LIPI: variants seen among roughly 807,000 people sequenced by gnomAD.
The protein encoded by LIPI is lipase I.
A neutral mutation model predicts 50.6 loss-of-function variants in LIPI; 59 were observed. The observed-to-expected ratio is 1.16, with a 90% CI of 0.94 to 1.45. The LOEUF (loss-of-function observed/expected upper bound fraction) is 1.45. LIPI is among the 40% of genes most tolerant of loss of function. The pLI, the probability that LIPI is intolerant of heterozygous loss-of-function variation, is 0.00. For synonymous variants in LIPI, 203 were observed against 178.2 expected, an observed-to-expected ratio of 1.14 and a Z score of -1.11; for missense variants, 586 against 536.3, an observed-to-expected ratio of 1.09 and a Z score of -0.92.
At chr21:14,117,816 C>A (rs1600827401) in intron 9 of LIPI, among the ~76,000 whole-genome samples, 1 of 151,958 alleles carries the variant, frequency 6.6e-6, no homozygotes, top group Admixed American at 6.6e-5. Flanking sequence ...AGGTGGCAAC[C>A]AAAGTGTTTG....
chr21:14,137,654 G>C (rs768253296), intron 9 of LIPI, among the ~76,000 whole-genome samples: 1 of 152,150 alleles, frequency 6.6e-6, no homozygotes, highest in South Asian at 2.1e-4. Flanking sequence ...GAAAGAGATA[G>C]GGGTAGAAAG....
chr21:14,117,769 G>A (rs1033086105), intron 9 of LIPI, among the ~76,000 whole-genome samples: 1 of 152,172 alleles, frequency 6.6e-6, no homozygotes, highest in African/African-American at 2.4e-5. Flanking sequence ...GCAGAGGCTG[G>A]AGGGGTTTGA....
At chr21:14,130,036 G>T (rs1258408484) in intron 9 of LIPI, among the ~76,000 whole-genome samples, 1 of 152,128 alleles carries the variant, frequency 6.6e-6, no homozygotes, top group African/African-American at 2.4e-5. Flanking sequence ...GAGTGACAGT[G>T]GAGGAAACAT....
rs149723484 is a variant in LIPI, at chr21:14,189,493, A to C, written c.47-74T>G. The C allele has an allele frequency of 2.4e-4, 330 of 1,361,100 alleles. 1 individual carries two copies. The African/African-American group carries it at 4.3e-3, about 18-fold the overall frequency. The allele number at this position is 1,361,100 out of a possible 1,614,324, so 84.3% of individuals were successfully genotyped here. A position where few individuals can be genotyped will look rare whatever the true frequency, so the allele number is the denominator to read the frequency against. On this transcript the variant is annotated intron_variant, in intron 1 of 9. Coordinates refer to ENST00000681601, the MANE Select transcript of LIPI (RefSeq NM_001302998.2). ...TTCCTGTTGCTATTGCAAAGAACAG[A>C]ATTAAATGTGGAGGGTAGGGAGGAT...
At chr21:14,115,978 G>T (rs2016616788) in intron 9 of LIPI, among the ~76,000 whole-genome samples, 1 of 151,360 alleles carries the variant, frequency 6.6e-6, no homozygotes, top group South Asian at 2.1e-4. Context: ...TGCTGGCAGG[G>T]TGACAAGAGT....
intron 7 of LIPI, among the ~76,000 whole-genome samples, chr21:14,161,442 ATT>A (rs934133800): frequency 2.8e-5 from 4 of 140,458 alleles, no homozygotes; most frequent in Non-Finnish European, 6.1e-5. Context: ...ATCAATATAT[ATT>A]ATATATAGAT....
intron 4 of LIPI, among the ~76,000 whole-genome samples, chr21:14,167,453 G>T (rs1457041984): frequency 1.3e-5 from 2 of 152,146 alleles, no homozygotes; most frequent in Admixed American, 1.3e-4. Context: ...AGACTAACTG[G>T]GAGGCACCCC....
chr21:14,201,863 G>A lies in LIPI; in HGVS notation c.46+8937C>T, dbSNP rs182173244. 4.9e-3 allele frequency among the ~76,000 whole-genome samples: 752 copies of A among 152,248 alleles called. 6 individuals carry two copies. The highest frequency in any genetic ancestry group is 5.6e-3 in the Non-Finnish European group (381 of 68,018). On this transcript the variant is annotated intron_variant, in intron 1 of 9. Coordinates refer to ENST00000681601, the MANE Select transcript of LIPI (RefSeq NM_001302998.2). ...CAATCAGGCTGGAGAAGGAAATACA[G>A]GGTATTCAATTAGGAAAAGAGGAAG...
At chr21:14,124,657 C>A (rs555043043) in intron 9 of LIPI, among the ~76,000 whole-genome samples, 1 of 152,196 alleles carries the variant, frequency 6.6e-6, no homozygotes, top group Non-Finnish European at 1.5e-5. Flanking sequence ...TCAAGTAGCT[C>A]CCGGACACTG....
chr21:14,197,381 G>T (rs918457591), intron 1 of LIPI, among the ~76,000 whole-genome samples: 3 of 152,178 alleles, frequency 2.0e-5, no homozygotes, highest in African/African-American at 7.2e-5. Flanking sequence ...ATGATAAAAT[G>T]TTGCAGGTGC....
In LIPI at chr21:14,169,173, T is replaced by C. The variant is rs1208648045; in HGVS notation, c.644-2722A>G. On this transcript the variant is annotated intron_variant, in intron 4 of 9. Coordinates refer to ENST00000681601, the MANE Select transcript of LIPI (RefSeq NM_001302998.2). Reference sequence around the variant, plus strand: ...AACAAGAAGAGCTAACTATCCTAAATGTATATGCACCCAATACAGGAGCAT... The same window carrying C: ...AACAAGAAGAGCTAACTATCCTAAACGTATATGCACCCAATACAGGAGCAT... Among the ~76,000 whole-genome samples, 11 of 152,312 alleles carry C rather than the reference T, an allele frequency of 7.2e-5. No individual in the cohort carries two copies. The East Asian group carries it at 1.7e-3, about 24-fold the overall frequency.
intron 9 of LIPI, among the ~76,000 whole-genome samples, chr21:14,127,154 A>G (rs1026710955): frequency 3.9e-5 from 6 of 152,308 alleles, no homozygotes; most frequent in East Asian, 1.9e-4. Flanking sequence ...ACAGTCTGTT[A>G]CAAAAAGATA....
intron 5 of LIPI, 116 bp downstream of exon 5, chr21:14,166,246 A>C (rs1211443255): frequency 1.4e-6 from 1 of 738,486 alleles, no homozygotes; most frequent in South Asian, 1.4e-5. Context: ...CTCCTGAGTC[A>C]TGGGCAATGA....
At chr21:14,131,703 T>G (rs1600843998) in intron 9 of LIPI, among the ~76,000 whole-genome samples, 1 of 151,934 alleles carries the variant, frequency 6.6e-6, no homozygotes, top group Non-Finnish European at 1.5e-5. Context: ...ACTCAAGCAA[T>G]AGATCCCAAC....
In LIPI at chr21:14,185,989, TA is replaced by T. The variant is rs2019440778; in HGVS notation, c.512del (p.Ile171AsnfsTer9). 6.3e-7 allele frequency: 1 copy of T among 1,589,406 alleles called. No homozygotes were observed. The highest frequency in any genetic ancestry group is 1.1e-5 in the South Asian group (1 of 90,436). On this transcript the variant is annotated frameshift_variant, in exon 3 of 10. Coordinates refer to ENST00000681601, the MANE Select transcript of LIPI (RefSeq NM_001302998.2). LOFTEE classifies it high-confidence loss of function. ...TTATTCTTCCAAGTTGACCATGAAA[TA>T]TCTTTCCAACAAATCCACTGATATG... ...GAHISGFVGK[I>X]FHGQLGRITG... is the part of the protein sequence containing the mutation.
intron 9 of LIPI, among the ~76,000 whole-genome samples, chr21:14,114,653 CAGGATA>C (rs1198405713): frequency 1.3e-5 from 2 of 152,110 alleles, no homozygotes; most frequent in African/African-American, 4.8e-5. Flanking sequence ...AGAGGAACTC[CAGGATA>C]AGGTTGGCGG....
intron 1 of LIPI, among the ~76,000 whole-genome samples, chr21:14,209,703 A>G (rs73347923): frequency 0.018 from 2,687 of 152,238 alleles, 78 homozygotes; most frequent in African/African-American, 0.055. Flanking sequence ...AATAAATACT[A>G]ATCAAAACAA....
At chr21:14,113,530 G>T (rs1210860687) in intron 9 of LIPI, among the ~76,000 whole-genome samples, 4 of 152,088 alleles carry the variant, frequency 2.6e-5, no homozygotes, top group African/African-American at 9.7e-5. Flanking sequence ...AATTACCAAA[G>T]CTATCATCAC....
rs1039115921 is a variant in LIPI at position 14,124,850 on chromosome 21, G to C, written c.1296-15770C>G. ...TGCTAAAAATACAAAAATTAGCCAG[G>C]CGTGGTGGCACGCACATGCCTGTAA... is the stretch of plus-strand genomic sequence containing the variant. On this transcript the variant is annotated intron_variant, in intron 9 of 9. Coordinates refer to ENST00000681601, the MANE Select transcript of LIPI (RefSeq NM_001302998.2). Among the ~76,000 whole-genome samples the C allele has an allele frequency of 3.9e-5, 6 of 152,046 alleles. No homozygotes were observed. In the East Asian group the frequency reaches 7.7e-4, roughly 20 times the overall value.
Sources: allele counts gnomAD v4.1 joint callset (sites outside exome capture counted in the v4.1 genomes callset), GRCh38; gene constraint gnomAD v4.1.1; transcripts MANE v1.5; gene names NCBI Gene and HGNC (gene_info 2026-07-23, HGNC 2026-07-21).